Variants in TRIM14 observed in about 807,000 individuals in gnomAD.
TRIM14 encodes tripartite motif-containing protein 14.
TRIM14 carries 28 observed loss-of-function variants against 44.5 expected under a neutral mutation model. The observed-to-expected ratio is 0.63, with a 90% CI of 0.47 to 0.86. The LOEUF (loss-of-function observed/expected upper bound fraction) is 0.86. TRIM14 is among the 40% of genes least tolerant of loss of function. The pLI, the probability that TRIM14 is intolerant of heterozygous loss-of-function variation, is 0.00. For synonymous variants in TRIM14, 299 were observed against 269.2 expected, an observed-to-expected ratio of 1.11 and a Z score of -1.08; for missense variants, 607 against 611.1, an observed-to-expected ratio of 0.99 and a Z score of 0.07.
chr9:98,074,361 A>G (rs978699004), intron 6 of TRIM14, among the ~76,000 whole-genome samples: 2 of 152,108 alleles, frequency 1.3e-5, no homozygotes, highest in Non-Finnish European at 2.9e-5. Flanking sequence ...ATGGAACCCC[A>G]GATAGAGGGA....
chr9:98,037,349 G>A, the TRIM14 span, among the ~76,000 whole-genome samples: 2 of 152,194 alleles, frequency 1.3e-5, no homozygotes, highest in Admixed American at 6.5e-5. Flanking sequence ...CTGCACTCCA[G>A]TCCGGGCGAC....
intron 5 of TRIM14, among the ~76,000 whole-genome samples, chr9:98,088,411 G>T (rs369608964): frequency 1.3e-5 from 2 of 151,668 alleles, no homozygotes; most frequent in African/African-American, 4.9e-5. Flanking sequence ...CTGGAGTGCA[G>T]TGGCGCGATC....
chr9:98,102,563 G>A (rs1180577375), intron 2 of TRIM14, among the ~76,000 whole-genome samples: 1 of 152,176 alleles, frequency 6.6e-6, no homozygotes, highest in Non-Finnish European at 1.5e-5. Context: ...ATCATCCCCA[G>A]TGAATTAAGC....
intron 2 of TRIM14, among the ~76,000 whole-genome samples, chr9:98,108,339 T>C (rs1193559162): frequency 6.6e-6 from 1 of 152,196 alleles, no homozygotes; most frequent in Non-Finnish European, 1.5e-5. Context: ...AGCACAGCTT[T>C]GAATGTGGCA....
the TRIM14 span, among the ~76,000 whole-genome samples, chr9:98,050,940 A>G: frequency 1.3e-5 from 2 of 152,038 alleles, no homozygotes; most frequent in East Asian, 3.9e-4. Flanking sequence ...CACCCAGCTA[A>G]TTTTTGTATT....
chr9:98,056,307 A>T, the TRIM14 span, among the ~76,000 whole-genome samples: 1 of 152,044 alleles, frequency 6.6e-6, no homozygotes, highest in Non-Finnish European at 1.5e-5. Flanking sequence ...AGTAACGTAT[A>T]TATGAGCAGG....
downstream of TRIM14, chr9:98,082,084 T>A (rs1411238781): frequency 6.6e-6 from 1 of 152,124 alleles, no homozygotes. Flanking sequence ...TATAGAGTAA[T>A]AAAACACGTA....
chr9:98,103,223 C>A (rs529929096), intron 2 of TRIM14, among the ~76,000 whole-genome samples: 1 of 151,648 alleles, frequency 6.6e-6, no homozygotes, highest in African/African-American at 2.4e-5. Context: ...ATGCAGTAGA[C>A]CTATATGTCC....
the TRIM14 span, among the ~76,000 whole-genome samples, chr9:98,049,651 C>T: frequency 3.3e-5 from 5 of 152,166 alleles, no homozygotes; most frequent in African/African-American, 1.2e-4. Context: ...AACCAGAGGT[C>T]ACTCTCATTG....
At chr9:98,072,820 A>G (rs1038354355) in intron 6 of TRIM14, among the ~76,000 whole-genome samples, 4 of 152,170 alleles carry the variant, frequency 2.6e-5, no homozygotes, top group Non-Finnish European at 5.9e-5. Flanking sequence ...AGTGGCTCCC[A>G]GTGTTTACCT....
chr9:98,066,826 T>C (rs977200196), downstream of TRIM14, among the ~76,000 whole-genome samples: 1 of 152,116 alleles, frequency 6.6e-6, no homozygotes, highest in Admixed American at 6.6e-5. Context: ...AATTTTTGTA[T>C]TTTTAGTGGA....
chr9:98,098,547 TA>T (rs33996917), intron 3 of TRIM14, among the ~76,000 whole-genome samples: 31 of 151,390 alleles, frequency 2.0e-4, no homozygotes, highest in Admixed American at 1.1e-3. Context: ...CCATCTCTAC[TA>T]AAAAATACAA....
intron 2 of TRIM14, among the ~76,000 whole-genome samples, chr9:98,104,600 C>T (rs543570376): frequency 3.0e-4 from 45 of 152,264 alleles, no homozygotes; most frequent in South Asian, 2.9e-3. Flanking sequence ...TAAGGAAGTA[C>T]GCCATCTGGT....
chr9:98,056,610 G>GCCCCGCCCCCGCC, the TRIM14 span: 4 of 761,254 alleles, frequency 5.3e-6, no homozygotes, highest in African/African-American at 1.9e-5. Context: ...CCCGCGGGAG[G>GCCCCGCCCCCGCC]CCCCGCCCCC....
At chr9:98,072,243 A>G (rs1308350816) in intron 6 of TRIM14, among the ~76,000 whole-genome samples, 1 of 152,094 alleles carries the variant, frequency 6.6e-6, no homozygotes. Flanking sequence ...GGGTGCCAGC[A>G]CAGGGCCAGG....
At chr9:98,088,322 C>T (rs1326789744) in intron 5 of TRIM14, among the ~76,000 whole-genome samples, 1 of 151,416 alleles carries the variant, frequency 6.6e-6, no homozygotes, top group Non-Finnish European at 1.5e-5. Flanking sequence ...TCCTATCTTT[C>T]CCCTCCCCTT....
At chr9:98,037,607 T>C in the TRIM14 span, among the ~76,000 whole-genome samples, 1 of 152,108 alleles carries the variant, frequency 6.6e-6, no homozygotes, top group Admixed American at 6.6e-5. Context: ...CATGATCCTT[T>C]AGGGAACTCA....
intron 4 of TRIM14, among the ~76,000 whole-genome samples, chr9:98,094,282 T>C (rs1178503041): frequency 6.6e-6 from 1 of 152,202 alleles, no homozygotes; most frequent in Non-Finnish European, 1.5e-5. Context: ...GAGTACATGT[T>C]TTGTGCCAGG....
chr9:98,076,948 G>C, intron 6 of TRIM14: 5 of 1,612,126 alleles, frequency 3.1e-6, no homozygotes, highest in Non-Finnish European at 4.2e-6. Flanking sequence ...TGAACTGAAT[G>C]TTCCATTTTT....
Sources: allele counts gnomAD v4.1 joint callset (sites outside exome capture counted in the v4.1 genomes callset), GRCh38; gene constraint gnomAD v4.1.1; transcripts MANE v1.5; gene names NCBI Gene and HGNC (gene_info 2026-07-23, HGNC 2026-07-21).